The following NNT variants were observed in gnomAD, a reference collection of about 807,000 sequenced individuals.
NNT encodes NAD(P) transhydrogenase, mitochondrial.
A neutral mutation model predicts 104.8 loss-of-function variants in NNT; 50 were observed. The ratio of observed to expected loss-of-function variants is 0.48; its 90% confidence interval spans 0.38 to 0.60. NNT has a LOEUF of 0.60. Among genes scored for constraint, NNT ranks in the 20% least tolerant of loss-of-function variants. The pLI, the probability that NNT is intolerant of heterozygous loss-of-function variation, is 0.00. For synonymous variants in NNT, 461 were observed against 490.4 expected, an observed-to-expected ratio of 0.94 and a Z score of 0.79; for missense variants, 1,131 against 1,330.7, an observed-to-expected ratio of 0.85 and a Z score of 2.33.
chr5:43,702,504 C>A, intron 20 of NNT, 117 bp from the exon 21 acceptor site: 2 of 642,088 alleles, frequency 3.1e-6, no homozygotes, highest in Non-Finnish European at 4.9e-6. Flanking sequence ...GGCACAAGTG[C>A]GAATCCTATA....
chr5:43,604,672 T>A (rs1213038147), intron 1 of NNT, among the ~76,000 whole-genome samples: 1 of 151,862 alleles, frequency 6.6e-6, no homozygotes, highest in Non-Finnish European at 1.5e-5. Context: ...CCCTGAGAGG[T>A]AGGTGCTGTT....
Position 43,624,099 on chromosome 5 carries a change from T to C in NNT, c.755T>C (p.Ile252Thr). Residue 252 changes from isoleucine to threonine, a missense_variant, in exon 6 of 22, where the codon ATT (isoleucine) becomes ACT (threonine). Coordinates refer to ENST00000344920, the MANE Select transcript of NNT (RefSeq NM_182977.3). ...GGCGCAGCAAAGTCGATGGGTGCAA[T>C]TGTTCGAGGATTTGACACAAGGTGA... ...SAGAAKSMGA[I>T]VRGFDTRAAA... 6.2e-7 allele frequency: 1 copy of C among 1,614,148 alleles called. No homozygotes were observed. Among genetic ancestry groups the C allele is most frequent in the Non-Finnish European group, 8.5e-7 (1 of 1,180,018 alleles).
At chr5:43,626,664 G>GA (rs1750380417) in intron 6 of NNT, among the ~76,000 whole-genome samples, 2 of 151,706 alleles carry the variant, frequency 1.3e-5, no homozygotes, top group Non-Finnish European at 2.9e-5. Flanking sequence ...GGATGAAAGT[G>GA]AAAATACCTT....
intron 19 of NNT, among the ~76,000 whole-genome samples, chr5:43,689,314 A>T (rs1384774749): frequency 6.6e-6 from 1 of 151,918 alleles, no homozygotes; most frequent in Non-Finnish European, 1.5e-5. Flanking sequence ...GATTTTGAAG[A>T]TTTTCTCCCA....
At chr5:43,690,568 T>G (rs1742216613) in intron 19 of NNT, among the ~76,000 whole-genome samples, 1 of 152,196 alleles carries the variant, frequency 6.6e-6, no homozygotes, top group Non-Finnish European at 1.5e-5. Context: ...TGAGAGGCAG[T>G]TAGTACTGTA....
At chr5:43,693,588 C>T (rs1397092858) in intron 19 of NNT, among the ~76,000 whole-genome samples, 5 of 152,102 alleles carry the variant, frequency 3.3e-5, no homozygotes, top group Non-Finnish European at 5.9e-5. Flanking sequence ...CATAAATTGT[C>T]AGTATTTTGC....
chr5:43,648,292 G>C, intron 10 of NNT: 2 of 983,208 alleles, frequency 2.0e-6, no homozygotes, highest in South Asian at 4.3e-5. Context: ...TTTACATCAA[G>C]GAAAAAGGTA....
chr5:43,608,330 G>T (rs1241106311), intron 1 of NNT, among the ~76,000 whole-genome samples: 1 of 152,162 alleles, frequency 6.6e-6, no homozygotes, highest in African/African-American at 2.4e-5. Context: ...ATCTACTGAG[G>T]AATGTGGTGG....
chr5:43,656,789 A>C lies in NNT; in HGVS notation c.2430A>C (p.Ser810=). The part of the protein sequence containing the change: ...SFTTGITCLG[S]VSALSAVMGV... The stretch of plus-strand genomic sequence containing the variant: ...CTACTGGCATCACCTGTCTGGGTTC[A>C]GTGTCTGCTCTCTCTGCTGTCATGG... The change falls in exon 16 of 22, where the codon TCA becomes TCC. Residue 810 remains serine (S), a synonymous_variant. Transcript: ENST00000344920. 1.2e-6 allele frequency: 2 copies of C among 1,613,908 alleles called. No homozygotes were observed. Among genetic ancestry groups the C allele is most frequent in the Non-Finnish European group, 1.7e-6 (2 of 1,179,970 alleles).
chr5:43,685,178 A>G (rs913766168), intron 19 of NNT, among the ~76,000 whole-genome samples: 1 of 152,228 alleles, frequency 6.6e-6, no homozygotes, highest in Non-Finnish European at 1.5e-5. Context: ...TAGTTTTAAA[A>G]CAGGAGAAGT....
chr5:43,619,172 G>T, intron 5 of NNT, 53 bp downstream of exon 5: 1 of 1,018,654 alleles, frequency 9.8e-7, no homozygotes. Flanking sequence ...AAAGGAAAGG[G>T]TATGTATAGT....
At chr5:43,660,814 C>T (rs1425992473) in intron 17 of NNT, among the ~76,000 whole-genome samples, 1 of 152,168 alleles carries the variant, frequency 6.6e-6, no homozygotes, top group Non-Finnish European at 1.5e-5. Flanking sequence ...CGGAAGTCAG[C>T]CCCCATAATC....
chr5:43,645,340 T>G lies in NNT; in HGVS notation c.1291-17T>G. On this transcript the variant is annotated splice_polypyrimidine_tract_variant and intron_variant, in intron 9 of 21. Coordinates refer to ENST00000344920, the MANE Select transcript of NNT (RefSeq NM_182977.3). ...GGATTGACTTTTTAATACGTACTAT[T>G]TTTTAATGTCTATTAGGATGGTAAA... is the stretch of plus-strand genomic sequence containing the variant. 1 of 1,428,008 alleles carries G rather than the reference T, an allele frequency of 7.0e-7. No homozygotes were observed. Among genetic ancestry groups the G allele is most frequent in the Non-Finnish European group, 9.2e-7 (1 of 1,083,396 alleles). 88.5% of individuals were successfully genotyped at this position (1,428,008 alleles called of 1,614,324 possible). A position where few individuals can be genotyped will look rare whatever the true frequency, so the allele number is the denominator to read the frequency against.
intron 19 of NNT, among the ~76,000 whole-genome samples, chr5:43,681,602 G>A (rs539999678): frequency 4.6e-5 from 7 of 152,122 alleles, no homozygotes; most frequent in Non-Finnish European, 8.8e-5. Flanking sequence ...GTTTCGCCAC[G>A]TTGGCCAGGC....
chr5:43,698,506 C>G (rs1382760619), intron 19 of NNT, among the ~76,000 whole-genome samples: 1 of 151,838 alleles, frequency 6.6e-6, no homozygotes, highest in Non-Finnish European at 1.5e-5. Context: ...CTGCCTTGGG[C>G]AAATAATTAT....
chr5:43,612,542 G>T (rs770777099), intron 2 of NNT, among the ~76,000 whole-genome samples: 1 of 152,162 alleles, frequency 6.6e-6, no homozygotes. Flanking sequence ...TTAAAAGTAA[G>T]GGCAAGGAGA....
intron 11 of NNT, among the ~76,000 whole-genome samples, chr5:43,650,262 T>A (rs373522413): frequency 6.6e-6 from 1 of 152,254 alleles, no homozygotes; most frequent in East Asian, 1.9e-4. Flanking sequence ...CCCACAGTAG[T>A]AATTTCAGTG....
intron 19 of NNT, among the ~76,000 whole-genome samples, chr5:43,689,951 A>G (rs1025290483): frequency 2.0e-5 from 3 of 152,126 alleles, no homozygotes; most frequent in Admixed American, 2.0e-4. Context: ...AATTAACCCA[A>G]TCCGTCAAAG....
intron 7 of NNT, among the ~76,000 whole-genome samples, chr5:43,638,895 T>A (rs186271573): frequency 6.6e-6 from 1 of 152,122 alleles, no homozygotes; most frequent in African/African-American, 2.4e-5. Context: ...TTGGTATGAT[T>A]AGAGTGTGAG....
Sources: allele counts gnomAD v4.1 joint callset (sites outside exome capture counted in the v4.1 genomes callset), GRCh38; gene constraint gnomAD v4.1.1; transcripts MANE v1.5; gene names NCBI Gene and HGNC (gene_info 2026-07-23, HGNC 2026-07-21).